PID1: variants seen among roughly 807,000 people sequenced by gnomAD.
The protein encoded by PID1 is phosphotyrosine interaction domain containing 1, also known as PTB-containing, cubilin and LRP1-interacting protein.
PID1 carries 10 observed loss-of-function variants against 19.1 expected under a neutral mutation model. The observed-to-expected ratio is 0.52, with a 90% CI of 0.32 to 0.89. PID1 has a LOEUF of 0.89. PID1 is among the 40% of genes least tolerant of loss of function. The pLI is 0.03. For synonymous variants in PID1, 130 were observed against 116.0 expected (o/e 1.12, Z -0.78); for missense variants, 248 against 285.3 (o/e 0.87, Z 0.94).
intron 1 of PID1, among the ~76,000 whole-genome samples, chr2:229,204,897 T>C (rs1442337018): frequency 6.6e-6 from 1 of 152,144 alleles, no homozygotes; most frequent in Non-Finnish European, 1.5e-5. Flanking sequence ...AGGTCAGATT[T>C]ATGGTGTGAA....
chr2:229,212,869 G>A (rs1232362507), intron 1 of PID1, among the ~76,000 whole-genome samples: 1 of 151,920 alleles, frequency 6.6e-6, no homozygotes, highest in East Asian at 1.9e-4. Context: ...CCATTCTCCT[G>A]TCCCACACGT....
intron 1 of PID1, among the ~76,000 whole-genome samples, chr2:229,201,313 T>A (rs1237585086): frequency 5.9e-5 from 9 of 152,076 alleles, no homozygotes; most frequent in Non-Finnish European, 1.2e-4. Context: ...AACACCATCA[T>A]TCCGCTTTCT....
At chr2:229,265,931 ATTAGGCCATGG>A (rs926678139) in intron 1 of PID1, among the ~76,000 whole-genome samples, 37 of 152,354 alleles carry the variant, frequency 2.4e-4, no homozygotes, top group African/African-American at 7.2e-4. Context: ...CGAAACAGCC[ATTAGGCCATGG>A]TTAAGCAAGG....
intron 1 of PID1, among the ~76,000 whole-genome samples, chr2:229,258,861 CAAAAAAAAAAAAAA>C (rs60923610): frequency 1.5e-5 from 1 of 66,998 alleles, no homozygotes; most frequent in Non-Finnish European, 3.1e-5. Flanking sequence ...GACTCCGTCT[CAAAAAAAAAAAAAA>C]AAAAAAAAGA....
rs374310219 is a variant in PID1 at position 229,109,412 on chromosome 2, C to T, written c.177+46406G>A. On this transcript the variant is annotated intron_variant, in intron 2 of 2. Coordinates refer to ENST00000392055, the MANE Select transcript of PID1 (RefSeq NM_001100818.2). ...GAAAAACCTGTGTATGTCAGTCACACGCTAGTCGGCATGTTAATTCATTGT... is the reference window on the plus strand; with the variant it reads ...GAAAAACCTGTGTATGTCAGTCACATGCTAGTCGGCATGTTAATTCATTGT... 3.3e-5 allele frequency among the ~76,000 whole-genome samples: 5 copies of T among 152,170 alleles called. No individual in the cohort carries two copies. In the East Asian group the frequency reaches 9.6e-4, roughly 29 times the overall value.
At chr2:229,094,809 C>T (rs558536214) in intron 2 of PID1, among the ~76,000 whole-genome samples, 104 of 151,526 alleles carry the variant, frequency 6.9e-4, no homozygotes, top group Non-Finnish European at 1.3e-3. Context: ...ATATGTCTGA[C>T]AAAGGCCTAA....
chr2:229,170,760 T>C (rs895073966), intron 1 of PID1, among the ~76,000 whole-genome samples: 2 of 152,180 alleles, frequency 1.3e-5, no homozygotes, highest in Admixed American at 6.5e-5. Flanking sequence ...CACGCACGCA[T>C]GGGAGTGCTG....
At chr2:229,034,124 G>A (rs1255146983) in intron 2 of PID1, among the ~76,000 whole-genome samples, 1 of 152,130 alleles carries the variant, frequency 6.6e-6, no homozygotes, top group Non-Finnish European at 1.5e-5. Flanking sequence ...CCACGAAGAA[G>A]GTATTAAAGG....
chr2:229,067,315 T>A (rs924536610), intron 2 of PID1, among the ~76,000 whole-genome samples: 3 of 152,054 alleles, frequency 2.0e-5, no homozygotes, highest in Admixed American at 6.6e-5. Flanking sequence ...CCAAACCATA[T>A]TACCCTTAAA....
At chr2:229,247,329 T>C (rs571539095) in intron 1 of PID1, among the ~76,000 whole-genome samples, 3 of 152,320 alleles carry the variant, frequency 2.0e-5, no homozygotes, top group Admixed American at 6.5e-5. Context: ...TCTTAGCACA[T>C]GGCTCCTCTC....
intron 1 of PID1, among the ~76,000 whole-genome samples, chr2:229,176,220 G>C (rs1394802135): frequency 6.6e-6 from 1 of 151,406 alleles, no homozygotes; most frequent in Non-Finnish European, 1.5e-5. Context: ...AAACAAGAAG[G>C]ATATGGAAAC....
chr2:229,190,219 A>C (rs576428502), intron 1 of PID1, among the ~76,000 whole-genome samples: 1 of 152,242 alleles, frequency 6.6e-6, no homozygotes, highest in East Asian at 1.9e-4. Context: ...AGATGTGTCA[A>C]TTTAATAAAA....
chr2:229,127,387 C>T lies in PID1; in HGVS notation c.177+28431G>A, dbSNP rs560788598. Among the ~76,000 whole-genome samples the T allele has an allele frequency of 2.6e-5, 4 of 152,244 alleles. No individual in the cohort carries two copies. The East Asian group carries it at 7.7e-4, about 29-fold the overall frequency. On this transcript the variant is annotated intron_variant, in intron 2 of 2. Transcript: ENST00000392055. Reference sequence around the variant, plus strand: ...GAGACCTGTGAATCAGCAAGATTGCCGGTTTATTTCCAGTAGAGGCTATAA... The same window carrying T: ...GAGACCTGTGAATCAGCAAGATTGCTGGTTTATTTCCAGTAGAGGCTATAA...
At chr2:229,227,790 T>C (rs1431317536) in intron 1 of PID1, among the ~76,000 whole-genome samples, 1 of 152,210 alleles carries the variant, frequency 6.6e-6, no homozygotes, top group Non-Finnish European at 1.5e-5. Context: ...GCACGTGTAC[T>C]GAACAGGTAC....
At chr2:229,173,958 G>A (rs925692070) in intron 1 of PID1, among the ~76,000 whole-genome samples, 7 of 152,192 alleles carry the variant, frequency 4.6e-5, no homozygotes, top group Non-Finnish European at 4.4e-5. Context: ...ACAGGACTAA[G>A]CTCCACTTAC....
intron 2 of PID1, among the ~76,000 whole-genome samples, chr2:229,093,699 C>G: frequency 6.6e-6 from 1 of 152,060 alleles, no homozygotes; most frequent in East Asian, 1.9e-4. Flanking sequence ...AGAAAAAAAT[C>G]ATACCATCAT....
At chr2:229,089,345 C>G (rs892448974) in intron 2 of PID1, among the ~76,000 whole-genome samples, 1 of 152,162 alleles carries the variant, frequency 6.6e-6, no homozygotes, top group African/African-American at 2.4e-5. Context: ...TTCCTCAGAG[C>G]TGCATTTACC....
intron 2 of PID1, among the ~76,000 whole-genome samples, chr2:229,067,842 T>C (rs1574601815): frequency 6.6e-6 from 1 of 152,210 alleles, no homozygotes; most frequent in African/African-American, 2.4e-5. Flanking sequence ...TCTTGTCATC[T>C]TGGCTTCTGG....
At chr2:229,083,685 T>C (rs1268384666) in intron 2 of PID1, among the ~76,000 whole-genome samples, 3 of 152,292 alleles carry the variant, frequency 2.0e-5, no homozygotes, top group Admixed American at 6.5e-5. Context: ...TCTCTTGGTT[T>C]GATGAGAGTG....
Sources: allele counts gnomAD v4.1 joint callset (sites outside exome capture counted in the v4.1 genomes callset), GRCh38; gene constraint gnomAD v4.1.1; transcripts MANE v1.5; gene names NCBI Gene and HGNC (gene_info 2026-07-23, HGNC 2026-07-21).